Variants in GINS1 observed in about 807,000 individuals in gnomAD.
GINS1 encodes the protein GINS complex subunit 1, also known as DNA replication complex GINS protein PSF1.
Under a neutral mutation model 34.9 loss-of-function variants are expected in GINS1, and 26 were observed. The observed-to-expected ratio is 0.74, with a 90% CI of 0.55 to 1.03. The LOEUF is 1.03. Among genes scored for constraint, GINS1 ranks in the 50% least tolerant of loss-of-function variants. The pLI is 0.00. For missense variants in GINS1, 235 were observed against 237.9 expected, an observed-to-expected ratio of 0.99 and a Z score of 0.08; for synonymous variants, 97 against 84.4, an observed-to-expected ratio of 1.15 and a Z score of -0.82.
chr20:25,432,604 T>C (rs2090433479), intron 5 of GINS1, among the ~76,000 whole-genome samples: 1 of 152,030 alleles, frequency 6.6e-6, no homozygotes, highest in Non-Finnish European at 1.5e-5. Context: ...GTAGCTGGGA[T>C]TACAGGCACG....
intron 5 of GINS1, among the ~76,000 whole-genome samples, chr20:25,440,501 A>G (rs1245703667): frequency 6.6e-6 from 1 of 152,168 alleles, no homozygotes. Flanking sequence ...ATTTCCCAAA[A>G]TAAAAGTTTA....
intron 6 of GINS1, among the ~76,000 whole-genome samples, chr20:25,442,203 TTC>T (rs1467612500): frequency 6.6e-6 from 1 of 152,234 alleles, no homozygotes; most frequent in African/African-American, 2.4e-5. Context: ...ATACAGATTT[TTC>T]TGTTTTCAAA....
Position 25,413,363 on chromosome 20 carries a change from T to C in GINS1, c.76-427T>C, listed in dbSNP as rs74361784. On this transcript the variant is annotated intron_variant, in intron 1 of 6. Coordinates refer to ENST00000262460, the MANE Select transcript of GINS1 (RefSeq NM_021067.5). ...CACCCTTGACCCATTCTTTTTATTATATTAGATTTTTCAGATAAGTGGAAG... is the reference window on the plus strand; with the variant it reads ...CACCCTTGACCCATTCTTTTTATTACATTAGATTTTTCAGATAAGTGGAAG... 8.7e-3 allele frequency: 1,361 copies of C among 156,996 alleles called. 17 individuals are homozygous for C. Among genetic ancestry groups the C allele is most frequent in the African/African-American group, 0.031 (1,287 of 41,602 alleles). 9.7% of individuals were successfully genotyped at this position (156,996 alleles called of 1,614,324 possible). A position where few individuals can be genotyped will look rare whatever the true frequency, so the allele number is the denominator to read the frequency against.
intron 2 of GINS1, among the ~76,000 whole-genome samples, chr20:25,416,598 G>A (rs368868050): frequency 5.9e-5 from 9 of 151,838 alleles, no homozygotes; most frequent in Non-Finnish European, 1.0e-4. Flanking sequence ...AGTATAGTAC[G>A]TACACGTATT....
chr20:25,411,089 G>A (rs1347352031), intron 1 of GINS1: 3 of 152,082 alleles, frequency 2.0e-5, no homozygotes, highest in Non-Finnish European at 4.4e-5. Context: ...ACTAGCCTGG[G>A]CAACATAGTG....
intron 5 of GINS1, among the ~76,000 whole-genome samples, chr20:25,435,431 A>G (rs2090448718): frequency 6.6e-6 from 1 of 152,070 alleles, no homozygotes; most frequent in African/African-American, 2.4e-5. Context: ...AGTGGCTAGG[A>G]CTAGTGGCGC....
chr20:25,428,969 C>CTTTTTTTTTTTTTTTT (rs77113924), intron 5 of GINS1, among the ~76,000 whole-genome samples: 3 of 127,518 alleles, frequency 2.4e-5, no homozygotes, highest in Non-Finnish European at 3.3e-5. Flanking sequence ...ATTCCTCTCT[C>CTTTTTTTTTTTTTTTT]TTTTTTTTTT....
chr20:25,434,243 A>T (rs2090441990), intron 5 of GINS1, among the ~76,000 whole-genome samples: 1 of 151,904 alleles, frequency 6.6e-6, no homozygotes, highest in African/African-American at 2.4e-5. Context: ...AGATCGCACC[A>T]TTGCACTCCA....
chr20:25,413,229 A>C (rs1297274810), intron 1 of GINS1, among the ~76,000 whole-genome samples: 2 of 151,990 alleles, frequency 1.3e-5, no homozygotes, highest in Non-Finnish European at 2.9e-5. Flanking sequence ...TTGTATATTT[A>C]GGAGAGACGG....
intron 5 of GINS1, among the ~76,000 whole-genome samples, chr20:25,431,108 A>G (rs1453846400): frequency 6.6e-6 from 1 of 152,112 alleles, no homozygotes; most frequent in African/African-American, 2.4e-5. Context: ...GTCTATTCCA[A>G]TTTACTAGTT....
intron 4 of GINS1, among the ~76,000 whole-genome samples, chr20:25,424,907 T>C (rs934969879): frequency 6.6e-6 from 1 of 152,216 alleles, no homozygotes; most frequent in Non-Finnish European, 1.5e-5. Context: ...TTTGAAGATA[T>C]AATTCTGAAA....
rs552775394 is a variant in GINS1 at position 25,410,643 on chromosome 20, AC to A, written c.75+2750del. Among the ~76,000 whole-genome samples, 7 of 149,194 alleles carry A rather than the reference AC, an allele frequency of 4.7e-5. No homozygotes were observed. The South Asian group carries it at 1.1e-3, about 23-fold the overall frequency. ...AATGGTGTGATCTCGGCTCACTGCA[AC>A]CTCCGCCTTCTGGGTTAAGCAATTC... On this transcript the variant is annotated intron_variant, in intron 1 of 6. Transcript: ENST00000262460.
intron 5 of GINS1, among the ~76,000 whole-genome samples, chr20:25,430,733 TTGGTCAGGC>T (rs2090422507): frequency 6.6e-6 from 1 of 152,178 alleles, no homozygotes; most frequent in African/African-American, 2.4e-5. Context: ...TTTCTCCATG[TTGGTCAGGC>T]TGGTCTCGAA....
At chr20:25,408,883 CATT>C (rs2090264662) in intron 1 of GINS1, 1 of 977,222 alleles carries the variant, frequency 1.0e-6, no homozygotes, top group Non-Finnish European at 1.2e-6. Context: ...ATAGAGCAGG[CATT>C]ATGTGGATGT....
At chr20:25,440,090 C>T (rs2090474403) in intron 5 of GINS1, among the ~76,000 whole-genome samples, 2 of 152,034 alleles carry the variant, frequency 1.3e-5, no homozygotes, top group Non-Finnish European at 2.9e-5. Context: ...CTGGAGTGCA[C>T]TGGTGTGATC....
At chr20:25,439,588 A>C (rs1436499687) in intron 5 of GINS1, among the ~76,000 whole-genome samples, 1 of 152,206 alleles carries the variant, frequency 6.6e-6, no homozygotes, top group Non-Finnish European at 1.5e-5. Context: ...AGACATTTAA[A>C]AAAAAAGTAA....
chr20:25,412,778 A>G (rs2482909), intron 1 of GINS1, among the ~76,000 whole-genome samples: 4,130 of 152,260 alleles, frequency 0.027, 181 homozygotes, highest in African/African-American at 0.091. Flanking sequence ...ATCTCATATA[A>G]CCCATAAATA....
At position 25,435,775 on chromosome 20, in the gene GINS1, A is replaced by C. The variant is rs1365851909; in HGVS notation, c.448-5927A>C. On this transcript the variant is annotated intron_variant, in intron 5 of 6. Transcript: ENST00000262460. ...GTGAGATTCCGTCTCAAAAAAAAAA[A>C]AAAAAAAAAAAAACCAACTTTTTGT... Among the ~76,000 whole-genome samples the C allele has an allele frequency of 2.3e-4, 28 of 122,978 alleles. No homozygotes were observed. In the East Asian group the frequency reaches 5.4e-3, roughly 24 times the overall value. The allele number at this position is 122,978 out of a possible 152,430, so 80.7% of individuals were successfully genotyped here.
chr20:25,413,632 C>G (rs897627429), intron 1 of GINS1, 158 bp from the exon 2 acceptor site: 1 of 597,816 alleles, frequency 1.7e-6, no homozygotes, highest in Non-Finnish European at 3.0e-6. Context: ...TTCTCCGCAT[C>G]TCACCAACAC....
Sources: allele counts gnomAD v4.1 joint callset (sites outside exome capture counted in the v4.1 genomes callset), GRCh38; gene constraint gnomAD v4.1.1; transcripts MANE v1.5; gene names NCBI Gene and HGNC (gene_info 2026-07-23, HGNC 2026-07-21).